ERBB3: variants seen among roughly 807,000 people sequenced by gnomAD.
ERBB3 encodes the protein erb-b2 receptor tyrosine kinase 3, also known as receptor tyrosine-protein kinase erbB-3.
In ERBB3, 96 loss-of-function variants were observed where a neutral mutation model predicts 156.7. That is an observed-to-expected ratio of 0.61 (90% CI 0.52 to 0.73). ERBB3 has a LOEUF of 0.73. ERBB3 is among the 30% of genes least tolerant of loss of function. ERBB3 has a pLI of 0.00. For missense variants in ERBB3, 1,406 were observed against 1,709.4 expected (o/e 0.82, Z 3.13); for synonymous variants, 567 against 632.0 (o/e 0.90, Z 1.54).
chr12:56,102,213 C>G lies in ERBB3; in HGVS notation c.*158C>G. 1.4e-6 allele frequency: 1 copy of G among 705,172 alleles called. No homozygotes were observed. Among genetic ancestry groups the G allele is most frequent in the Non-Finnish European group, 2.4e-6 (1 of 411,588 alleles). The allele number at this position is 705,172 out of a possible 1,614,324, so 43.7% of individuals were successfully genotyped here. On this transcript the variant is annotated 3_prime_UTR_variant, in exon 28 of 28. Transcript: ENST00000267101. Reference sequence around the variant, plus strand: ...CTTTGGAGGCTTTTAAACATTTTGACACAAAATTCTTATGGTATGTAGCCA... The same window carrying G: ...CTTTGGAGGCTTTTAAACATTTTGAGACAAAATTCTTATGGTATGTAGCCA...
chr12:56,095,602 T>A, intron 16 of ERBB3, 63 bp from the exon 17 acceptor site: 2 of 1,580,306 alleles, frequency 1.3e-6, no homozygotes, highest in South Asian at 1.1e-5. Context: ...AACACAAGTA[T>A]AGTTGACATT....
Position 56,100,043 on chromosome 12 carries a change from T to G in ERBB3, c.3129+14T>G. 6.2e-7 allele frequency: 1 copy of G among 1,612,824 alleles called. No homozygotes were observed. The highest frequency in any genetic ancestry group is 1.7e-5 in the Admixed American group (1 of 60,024). ...CGGCCACGTGGGGTAAGACAACTTC[T>G]AATTACCCAACACTTTGCACCCTGA... On this transcript the variant is annotated intron_variant, in intron 25 of 27. Transcript: ENST00000267101.
rs985205730 is a variant in ERBB3 at position 56,093,500 on chromosome 12, C to T, written c.1430C>T (p.Pro477Leu). Residue 477 changes from proline to leucine, a missense_variant, in exon 12 of 28, where the codon CCT becomes CTT. By Grantham distance (98) the Pro-to-Leu change is moderately conservative. Coordinates refer to ENST00000267101, the MANE Select transcript of ERBB3 (RefSeq NM_001982.4). The stretch of plus-strand genomic sequence containing the variant: ...AACTGGACCAAGGTGCTTCGGGGGC[C>T]TACGGAAGAGCGACTAGACATCAAG... ...SLNWTKVLRG[P>L]TEERLDIKHN... 7 of 1,613,656 alleles carry T rather than the reference C, an allele frequency of 4.3e-6. No individual in the cohort carries two copies. Among genetic ancestry groups the T allele is most frequent in the South Asian group, 1.1e-5 (1 of 91,086 alleles).
In ERBB3 at chr12:56,085,106, G is replaced by T. The variant is rs1868433310; in HGVS notation, c.346G>T (p.Ala116Ser). Residue 116 changes from alanine to serine, a missense_variant, in exon 3 of 28, where the codon GCC (alanine) becomes TCC (serine). Ala to Ser is a moderately conservative substitution (Grantham distance 99). Around this residue, in one of 3 missense-constraint regions of ERBB3, gnomAD observed 979 missense variants for 1,219.6 expected, o/e 0.80. Transcript: ENST00000267101. ...GACCCAGGTCTACGATGGGAAGTTT[G>T]CCATCTTCGTCATGTTGAACTATAA... ...RGTQVYDGKF[A>S]IFVMLNYNTN... 1 of 1,614,072 alleles carries T rather than the reference G, an allele frequency of 6.2e-7. No homozygotes were observed. The highest frequency in any genetic ancestry group is 8.5e-7 in the Non-Finnish European group (1 of 1,179,986).
intron 9 of ERBB3, among the ~76,000 whole-genome samples, chr12:56,090,219 C>T (rs1366297678): frequency 3.3e-5 from 5 of 151,750 alleles, no homozygotes; most frequent in African/African-American, 7.3e-5. Flanking sequence ...AGGCTGGTCT[C>T]GAACTCCTGA....
rs573158454 is a variant in ERBB3, at chr12:56,101,967, G to A, written c.3941G>A (p.Arg1314His). The A allele has an allele frequency of 4.2e-5, 67 of 1,613,816 alleles. No individual in the cohort carries two copies. The highest frequency in any genetic ancestry group is 1.4e-4 in the South Asian group (13 of 91,074). ...HVHYARLKTL[R>H]SLEATDSAFD... ...CATTATGCCCGCCTAAAAACTCTACGTAGCTTAGAGGCTACAGACTCTGCC... is the reference window on the plus strand; with the variant it reads ...CATTATGCCCGCCTAAAAACTCTACATAGCTTAGAGGCTACAGACTCTGCC... The change falls in exon 28 of 28, where the codon CGT (arginine) becomes CAT (histidine). Residue 1314 changes from arginine to histidine, a missense_variant. Physicochemically the swap from Arg to His is conservative, Grantham distance 29. This residue lies in a region of ERBB3 where 415 missense variants were observed against 454.1 expected (regional missense o/e 0.91). Transcript: ENST00000267101.
intron 21 of ERBB3, 111 bp downstream of exon 21, chr12:56,098,051 G>C (rs1565860746): frequency 9.3e-7 from 1 of 1,078,390 alleles, no homozygotes; most frequent in Non-Finnish European, 1.4e-6. Flanking sequence ...AGTTCAAGGA[G>C]AGAAGGCTGC....
chr12:56,097,288 GA>G (rs2136818935), intron 20 of ERBB3, 58 bp downstream of exon 20: 1 of 1,546,304 alleles, frequency 6.5e-7, no homozygotes, highest in Non-Finnish European at 8.9e-7. Flanking sequence ...GGCCAGCCAG[GA>G]AAAAGTGAGA....
chr12:56,082,530 A>G (rs898839082), intron 1 of ERBB3, among the ~76,000 whole-genome samples: 1 of 151,934 alleles, frequency 6.6e-6, no homozygotes, highest in African/African-American at 2.4e-5. Context: ...ATGTTATAGG[A>G]GGGATTGGGG....
intron 7 of ERBB3, 29 bp downstream of exon 7, chr12:56,088,191 T>A (rs2136795855): frequency 6.2e-7 from 1 of 1,612,330 alleles, no homozygotes; most frequent in East Asian, 2.2e-5. Flanking sequence ...GGAACAATGA[T>A]CAACAATAGT....
chr12:56,097,756 A>C (rs758623034), intron 20 of ERBB3, 29 bp from the exon 21 acceptor site: 1 of 1,609,150 alleles, frequency 6.2e-7, no homozygotes, highest in Non-Finnish European at 8.5e-7. Flanking sequence ...CCCCAACCTT[A>C]AGAATACTTT....
At chr12:56,083,351 A>T in intron 1 of ERBB3, 1 of 335,796 alleles carries the variant, frequency 3.0e-6, no homozygotes, top group Non-Finnish European at 5.8e-6. Flanking sequence ...AGGCAGGATG[A>T]GGGTAGAGAA....
In ERBB3 at chr12:56,098,309, G is replaced by A. The variant is rs1463944763; in HGVS notation, c.2617-191G>A. 9.2e-5 allele frequency: 56 copies of A among 608,030 alleles called. 1 individual carries two copies. In the East Asian group the frequency reaches 1.4e-3, roughly 15 times the overall value. The allele number at this position is 608,030 out of a possible 1,614,324, so 37.7% of individuals were successfully genotyped here. A position where few individuals can be genotyped will look rare whatever the true frequency, so the allele number is the denominator to read the frequency against. ...CATCTGTACTCCCAGCTACTCGGGAGGCTGAGGCAGGAGAATGGCGTGAAC... is the reference window on the plus strand; with the variant it reads ...CATCTGTACTCCCAGCTACTCGGGAAGCTGAGGCAGGAGAATGGCGTGAAC... On this transcript the variant is annotated intron_variant, in intron 21 of 27. Transcript: ENST00000267101.
intron 9 of ERBB3, among the ~76,000 whole-genome samples, chr12:56,090,699 TACACACACAC>T (rs112340323): frequency 6.7e-6 from 1 of 149,728 alleles, no homozygotes; most frequent in Admixed American, 6.7e-5. Context: ...TGTCTCTCTC[TACACACACAC>T]ACACACACAC....
rs1480124541 is a variant in ERBB3, at chr12:56,099,670, T to C, written c.2862T>C (p.Ile954=). The C allele has an allele frequency of 1.9e-6, 3 of 1,613,988 alleles. No homozygotes were observed. Among genetic ancestry groups the C allele is most frequent in the African/African-American group, 2.7e-5 (2 of 74,900 alleles). ...CAGGTTGGATGATTGATGAGAACATTCGCCCAACCTTTAAAGAACTAGCCA... is the reference window on the plus strand; with the variant it reads ...CAGGTTGGATGATTGATGAGAACATCCGCCCAACCTTTAAAGAACTAGCCA... ...MVKCWMIDEN[I]RPTFKELANE... Residue 954 remains isoleucine, a synonymous_variant, in exon 24 of 28, where the codon ATT becomes ATC. Transcript: ENST00000267101.
intron 27 of ERBB3, 60 bp from the exon 28 acceptor site, chr12:56,101,469 A>G (rs1389014609): frequency 6.2e-7 from 1 of 1,604,062 alleles, no homozygotes; most frequent in Non-Finnish European, 8.5e-7. Flanking sequence ...TAATTTTTTC[A>G]AACTTTCCCC....
At chr12:56,083,703 G>A (rs949680708) in intron 1 of ERBB3, 48 bp from the exon 2 acceptor site, 3 of 1,611,742 alleles carry the variant, frequency 1.9e-6, no homozygotes, top group African/African-American at 2.7e-5. Context: ...CAGATGGGCT[G>A]AGAATTTGTG....
intron 17 of ERBB3, 93 bp downstream of exon 17, chr12:56,095,899 C>CAGAGTTTT: frequency 7.3e-7 from 1 of 1,364,276 alleles, no homozygotes; most frequent in Non-Finnish European, 1.0e-6. Context: ...ACCCTGTGCA[C>CAGAGTTTT]CCAGGGGTCA....
chr12:56,092,644 T>C (rs1868751894), intron 9 of ERBB3, 103 bp from the exon 10 acceptor site: 22 of 824,642 alleles, frequency 2.7e-5, no homozygotes, highest in South Asian at 2.4e-4. Context: ...TGTTTCCTTT[T>C]AGTGGAGAAT....
Sources: allele counts gnomAD v4.1 joint callset (sites outside exome capture counted in the v4.1 genomes callset), GRCh38; gene constraint gnomAD v4.1.1; regional missense constraint gnomAD v4.1.1; transcripts MANE v1.5; gene names NCBI Gene and HGNC (gene_info 2026-07-23, HGNC 2026-07-21).